The following WDPCP variants were observed in gnomAD, a reference collection of about 807,000 sequenced individuals.
WDPCP encodes WD repeat-containing and planar cell polarity effector protein fritz homolog.
Under a neutral mutation model 93.1 loss-of-function variants are expected in WDPCP, and 71 were observed. The ratio of observed to expected loss-of-function variants is 0.76; its 90% CI spans 0.63 to 0.93. The LOEUF (loss-of-function observed/expected upper bound fraction) is 0.93, where lower values mean the gene tolerates loss of function less well. Among genes scored for constraint, WDPCP ranks in the 40% least tolerant of loss-of-function variants. The pLI, the probability that WDPCP is intolerant of heterozygous loss-of-function variation, is 0.00. For synonymous variants in WDPCP, 315 were observed against 315.0 expected, an observed-to-expected ratio of 1.00 and a Z score of 0.00; for missense variants, 844 against 887.4, an observed-to-expected ratio of 0.95 and a Z score of 0.62.
At chr2:63,493,610 G>C (rs1701027958) in intron 1 of WDPCP, among the ~76,000 whole-genome samples, 1 of 151,548 alleles carries the variant, frequency 6.6e-6, no homozygotes, top group African/African-American at 2.4e-5. Flanking sequence ...CCTAGCAGGG[G>C]CTAGGGATGG....
rs191637152 is a variant in WDPCP, at chr2:63,462,509, A to G, written c.384+22095T>C. On this transcript the variant is annotated intron_variant, in intron 6 of 17. Coordinates refer to ENST00000272321, the MANE Select transcript of WDPCP (RefSeq NM_015910.7). ...GAACTTAATGTATAATAAAAAATAAATAAATAATTAATTAAATAAAAAATC... is the reference window on the plus strand; with the variant it reads ...GAACTTAATGTATAATAAAAAATAAGTAAATAATTAATTAAATAAAAAATC... 5.6e-4 allele frequency among the ~76,000 whole-genome samples: 86 copies of G among 152,312 alleles called. 2 individuals carry two copies. In the East Asian group the frequency reaches 0.015, roughly 27 times the overall value.
At chr2:63,566,058 T>G (rs1025407037) in intron 1 of WDPCP, among the ~76,000 whole-genome samples, 5 of 152,362 alleles carry the variant, frequency 3.3e-5, no homozygotes, top group Admixed American at 1.3e-4. Context: ...GATCCTTCTC[T>G]TCTCCAACCT....
intron 1 of WDPCP, among the ~76,000 whole-genome samples, chr2:63,509,247 T>C (rs1278093832): frequency 6.6e-6 from 1 of 152,168 alleles, no homozygotes; most frequent in Non-Finnish European, 1.5e-5. Flanking sequence ...CAGACCACAA[T>C]GCAATCAAAT....
intron 1 of WDPCP, among the ~76,000 whole-genome samples, chr2:63,508,492 T>G (rs1411818388): frequency 6.6e-6 from 1 of 152,104 alleles, no homozygotes; most frequent in African/African-American, 2.4e-5. Context: ...AAGCAAAATC[T>G]AGAGACCATT....
chr2:63,211,577 C>A (rs558752938), intron 14 of WDPCP, among the ~76,000 whole-genome samples: 1 of 152,324 alleles, frequency 6.6e-6, no homozygotes, highest in African/African-American at 2.4e-5. Flanking sequence ...AGGAACACAG[C>A]TCCTTGCCAG....
At chr2:63,531,448 CAGA>C (rs1351987172) in intron 1 of WDPCP, among the ~76,000 whole-genome samples, 1 of 152,162 alleles carries the variant, frequency 6.6e-6, no homozygotes, top group Non-Finnish European at 1.5e-5. Flanking sequence ...GTAGGGCTGA[CAGA>C]CACCTCATAC....
At chr2:63,476,358 T>A (rs530113913) in intron 6 of WDPCP, among the ~76,000 whole-genome samples, 1 of 152,290 alleles carries the variant, frequency 6.6e-6, no homozygotes, top group East Asian at 1.9e-4. Context: ...TCCTCAATAC[T>A]ATGTAGACAC....
At chr2:63,625,993 T>C (rs78622181) in intron 3 of WDPCP, among the ~76,000 whole-genome samples, 4 of 152,116 alleles carry the variant, frequency 2.6e-5, no homozygotes, top group African/African-American at 4.8e-5. Flanking sequence ...AACAGATATA[T>C]AGACCTATGG....
At chr2:63,378,625 T>C in intron 11 of WDPCP, 116 bp from the exon 12 acceptor site, 1 of 1,419,852 alleles carries the variant, frequency 7.0e-7, no homozygotes, top group Non-Finnish European at 9.8e-7. Context: ...ATGAACTTGT[T>C]GCAGGAAAGA....
rs1011986162 is a variant in WDPCP, at chr2:63,748,071, T to C, written n.308+65551A>G. Among the ~76,000 whole-genome samples the C allele has an allele frequency of 2.6e-5, 4 of 151,984 alleles. No homozygotes were observed. The East Asian group carries it at 7.7e-4, about 29-fold the overall frequency. ...TTATTTGCTAACTCTAGCTGCTATA[T>C]AGAAATGAAATAGAGTTTTATATTG... On this transcript the variant is annotated intron_variant and non_coding_transcript_variant, in intron 2 of 4. Coordinates refer to the WDPCP transcript ENST00000467687.
intron 12 of WDPCP, among the ~76,000 whole-genome samples, chr2:63,332,116 G>GTA (rs747698871): frequency 3.3e-4 from 49 of 149,898 alleles, no homozygotes; most frequent in Admixed American, 1.3e-3. Context: ...GTATATATAT[G>GTA]TATATATATA....
chr2:63,620,747 G>A (rs952705744), intron 3 of WDPCP, among the ~76,000 whole-genome samples: 14 of 152,114 alleles, frequency 9.2e-5, no homozygotes, highest in Admixed American at 2.0e-4. Flanking sequence ...TCCCAGCAGG[G>A]GTCAACAGAC....
chr2:63,551,387 G>A (rs926441105), intron 1 of WDPCP, among the ~76,000 whole-genome samples: 15 of 152,242 alleles, frequency 9.9e-5, no homozygotes, highest in African/African-American at 3.4e-4. Flanking sequence ...ATGGCTTGTT[G>A]CCCTCCTTGA....
intron 6 of WDPCP, chr2:63,442,580 C>A (rs1481975514): frequency 6.6e-6 from 1 of 152,070 alleles, no homozygotes; most frequent in Non-Finnish European, 1.5e-5. Flanking sequence ...ACCTTGTAAC[C>A]CAGGTTGGAC....
At chr2:63,275,090 G>C (rs1218925863) in intron 13 of WDPCP, among the ~76,000 whole-genome samples, 1 of 152,068 alleles carries the variant, frequency 6.6e-6, no homozygotes, top group East Asian at 1.9e-4. Flanking sequence ...AATCCAACAA[G>C]ACATCAACAA....
intron 1 of WDPCP, among the ~76,000 whole-genome samples, chr2:63,543,256 T>C (rs1344425482): frequency 1.3e-5 from 2 of 152,134 alleles, no homozygotes; most frequent in African/African-American, 4.8e-5. Context: ...AAATAACATA[T>C]ACGAATACAC....
At chr2:63,536,773 C>CTTTTTTTTTTTTTTT (rs58661370) in intron 1 of WDPCP, among the ~76,000 whole-genome samples, 8 of 93,610 alleles carry the variant, frequency 8.5e-5, no homozygotes, top group East Asian at 4.2e-4. Context: ...ATTCTTCATG[C>CTTTTTTTTTTTTTTT]TTTTTTTTTT....
chr2:63,711,767 G>T lies in WDPCP; in HGVS notation n.309-60929C>A, dbSNP rs536903274. Among the ~76,000 whole-genome samples, 161 of 152,184 alleles carry T rather than the reference G, an allele frequency of 1.1e-3. 1 individual carries two copies. Among genetic ancestry groups the T allele is most frequent in the Middle Eastern group, 3.4e-3 (1 of 294 alleles). On this transcript the variant is annotated intron_variant and non_coding_transcript_variant, in intron 2 of 4. Transcript: ENST00000467687. ...CAGAGCAAGACACAGTTCTTAAAACGAACCGACAAACAAACAAAACAGAAA... is the reference window on the plus strand; with the variant it reads ...CAGAGCAAGACACAGTTCTTAAAACTAACCGACAAACAAACAAAACAGAAA...
intron 1 of WDPCP, among the ~76,000 whole-genome samples, chr2:63,827,323 CTCTT>C (rs904542075): frequency 2.0e-5 from 3 of 151,974 alleles, no homozygotes; most frequent in African/African-American, 7.2e-5. Flanking sequence ...TGTTTCTTTT[CTCTT>C]TGTTTTTCTT....
Sources: gnomAD v4.1 joint callset for allele counts (sites outside exome capture counted in the v4.1 genomes callset) on GRCh38, gnomAD v4.1.1 for gene constraint, MANE v1.5 for transcripts, NCBI Gene and HGNC (gene_info 2026-07-23, HGNC 2026-07-21) for gene names.